Variants in CUX2 observed in about 807,000 individuals in gnomAD.
CUX2 encodes the protein cut like homeobox 2, also known as homeobox protein cut-like 2.
In CUX2, 40 loss-of-function variants were observed where a neutral mutation model predicts 144.8. The ratio of observed to expected loss-of-function variants is 0.28; its 90% CI spans 0.21 to 0.36. The LOEUF (loss-of-function observed/expected upper bound fraction) is 0.36. Ranked by LOEUF, CUX2 falls within the 10% of genes least tolerant of loss-of-function variation. The probability of loss-of-function intolerance (pLI) is 1.00; values close to 1 mark genes in which losing one functional copy is unlikely to be tolerated. For missense variants in CUX2, 1,615 were observed against 1,994.0 expected (o/e 0.81, Z 3.62); for synonymous variants, 827 against 875.6 (o/e 0.94, Z 0.98).
At chr12:111,211,452 G>A (rs1881221066) in intron 1 of CUX2, among the ~76,000 whole-genome samples, 1 of 152,226 alleles carries the variant, frequency 6.6e-6, no homozygotes, top group African/African-American at 2.4e-5. Context: ...GGACACATCA[G>A]GTGGTTGGAC....
intron 4 of CUX2, among the ~76,000 whole-genome samples, chr12:111,273,430 A>G (rs1033707481): frequency 3.3e-5 from 5 of 152,190 alleles, no homozygotes; most frequent in African/African-American, 1.2e-4. Context: ...ACGGAGCCTG[A>G]ATCTAGACCC....
intron 1 of CUX2, among the ~76,000 whole-genome samples, chr12:111,085,148 A>G (rs1346317966): frequency 1.3e-5 from 2 of 152,168 alleles, no homozygotes; most frequent in East Asian, 3.8e-4. Flanking sequence ...GGAAAGTAGG[A>G]TAGAGGATGG....
intron 1 of CUX2, among the ~76,000 whole-genome samples, chr12:111,162,587 G>A (rs1003914574): frequency 1.3e-5 from 2 of 152,238 alleles, no homozygotes; most frequent in Non-Finnish European, 2.9e-5. Flanking sequence ...GTGCTGAACA[G>A]CTCACAAGCA....
intron 4 of CUX2, among the ~76,000 whole-genome samples, chr12:111,285,963 T>C (rs920504093): frequency 1.3e-4 from 20 of 152,216 alleles, no homozygotes; most frequent in African/African-American, 4.6e-4. Context: ...CAGACCCCAC[T>C]GTGTCCTGGG....
At position 111,342,476 on chromosome 12, in the gene CUX2, CA is replaced by C. The variant is rs113534058; in HGVS notation, c.3659+437del. 1.8e-3 allele frequency among the ~76,000 whole-genome samples: 242 copies of C among 134,156 alleles called. 1 individual carries two copies. The highest frequency in any genetic ancestry group is 2.5e-3 in the African/African-American group (92 of 36,544). 88.0% of individuals were successfully genotyped at this position (134,156 alleles called of 152,430 possible). ...AGCCGGGGCGACAGAGACTCCATCT[CA>C]AAAAAAAAAAAAATTTAAAACACAG... is the stretch of plus-strand genomic sequence containing the variant. On this transcript the variant is annotated intron_variant, in intron 21 of 21. Transcript: ENST00000261726.
intron 1 of CUX2, among the ~76,000 whole-genome samples, chr12:111,074,724 A>G (rs940620010): frequency 2.0e-5 from 3 of 152,056 alleles, no homozygotes; most frequent in Middle Eastern, 3.2e-3. Flanking sequence ...AGTTCTTGGA[A>G]GGCCTGTCAT....
intron 1 of CUX2, among the ~76,000 whole-genome samples, chr12:111,197,455 G>A (rs1272491103): frequency 6.6e-6 from 1 of 152,206 alleles, no homozygotes; most frequent in Non-Finnish European, 1.5e-5. Flanking sequence ...CCAGTGCCTG[G>A]AACAGTGCCT....
At chr12:111,191,947 A>T (rs1022572189) in intron 1 of CUX2, among the ~76,000 whole-genome samples, 1 of 152,110 alleles carries the variant, frequency 6.6e-6, no homozygotes, top group Non-Finnish European at 1.5e-5. Context: ...CATGATGCTT[A>T]TAAGGGAGGA....
At position 111,295,204 on chromosome 12, in the gene CUX2, TTGCAGAAAGACAGAGG is replaced by T; in HGVS notation, c.561-123_561-108del. The T allele has an allele frequency of 1.4e-6, 1 of 693,776 alleles. No homozygotes were observed. Among genetic ancestry groups the T allele is most frequent in the Non-Finnish European group, 2.4e-6 (1 of 413,538 alleles). 43.0% of individuals were successfully genotyped at this position (693,776 alleles called of 1,614,324 possible). On this transcript the variant is annotated intron_variant, in intron 6 of 21. Transcript: ENST00000261726. The surrounding 1 kb of genome is among the most constrained non-coding windows in gnomAD (Gnocchi z 5.0). ...GTGCCTGAATGTCGTGTCTAAGGACTTGCAGAAAGACAGAGGTGCAGGTTACAGGGAGTGGGCAAGG... is the reference window on the plus strand; with the variant it reads ...GTGCCTGAATGTCGTGTCTAAGGACTTGCAGGTTACAGGGAGTGGGCAAGG...
rs150023913 is a variant in CUX2 at position 111,065,518 on chromosome 12, T to G, written c.63+31278T>G. ...GCCTGGCTAGTTTTTGTATTTTTAG[T>G]AGAGACGGGGTTTGACCACATTGGT... is the stretch of plus-strand genomic sequence containing the variant. On this transcript the variant is annotated intron_variant, in intron 1 of 21. Coordinates refer to ENST00000261726, the MANE Select transcript of CUX2 (RefSeq NM_015267.4). 6.9e-3 allele frequency among the ~76,000 whole-genome samples: 1,053 copies of G among 152,276 alleles called. 8 individuals carry two copies. The highest frequency in any genetic ancestry group is 0.024 in the African/African-American group (996 of 41,550).
chr12:111,260,357 G>C (rs7953078), intron 3 of CUX2, among the ~76,000 whole-genome samples: 1 of 150,364 alleles, frequency 6.7e-6, no homozygotes, highest in Non-Finnish European at 1.5e-5. Context: ...CCAGCTACTC[G>C]GGAGGCTGAG....
intron 18 of CUX2, among the ~76,000 whole-genome samples, chr12:111,323,239 G>A (rs1887622453): frequency 1.3e-5 from 2 of 152,358 alleles, no homozygotes; most frequent in East Asian, 1.9e-4. Flanking sequence ...CACTGAGAAG[G>A]GCAGAGACCA....
intron 1 of CUX2, among the ~76,000 whole-genome samples, chr12:111,046,952 C>T (rs1349557454): frequency 1.3e-5 from 2 of 152,234 alleles, no homozygotes; most frequent in African/African-American, 2.4e-5. Flanking sequence ...CCACCACGCC[C>T]GGCCCCTTGC....
At chr12:111,085,128 G>A (rs1328551652) in intron 1 of CUX2, among the ~76,000 whole-genome samples, 1 of 152,220 alleles carries the variant, frequency 6.6e-6, no homozygotes, top group Non-Finnish European at 1.5e-5. Context: ...GATAAAAATG[G>A]TGAAGGAAAG....
intron 1 of CUX2, among the ~76,000 whole-genome samples, chr12:111,198,878 C>G (rs1033266609): frequency 6.6e-6 from 1 of 152,158 alleles, no homozygotes; most frequent in South Asian, 2.1e-4. Context: ...GAGGGGCCCC[C>G]CTAAGGTATA....
chr12:111,238,839 G>A (rs761588926), intron 3 of CUX2, among the ~76,000 whole-genome samples: 36 of 152,224 alleles, frequency 2.4e-4, no homozygotes, highest in South Asian at 1.2e-3. Flanking sequence ...TAGGTCAGGC[G>A]TTTGCAACCA....
intron 1 of CUX2, among the ~76,000 whole-genome samples, chr12:111,069,561 T>TGTGTGTGTGTGCGCGCGCGC (rs1566199297): frequency 1.4e-5 from 2 of 146,770 alleles, no homozygotes; most frequent in South Asian, 4.3e-4. Flanking sequence ...TGCGCGCGCG[T>TGTGTGTGTGTGCGCGCGCGC]GTGTGTGTGT....
rs1213681296 is a variant in CUX2 at position 111,037,221 on chromosome 12, G to C, written c.63+2981G>C. Among the ~76,000 whole-genome samples, 1 of 152,134 alleles carries C rather than the reference G, an allele frequency of 6.6e-6. No individual in the cohort carries two copies. The highest frequency in any genetic ancestry group is 1.5e-5 in the Non-Finnish European group (1 of 68,022). On this transcript the variant is annotated intron_variant, in intron 1 of 21. Transcript: ENST00000261726. This position sits in a 1 kb window ranked among gnomAD's most constrained non-coding sequence, Gnocchi z 5.4. ...GAGGAGGTGCGTGGCTTTCATTCCTGGCTGTTCAGGTTGAATGGTTTCTCG... is the reference window on the plus strand; with the variant it reads ...GAGGAGGTGCGTGGCTTTCATTCCTCGCTGTTCAGGTTGAATGGTTTCTCG...
Position 111,156,985 on chromosome 12 carries a change from C to CAAA in CUX2, c.64-57193_64-57191dup, listed in dbSNP as rs1200398908. ...TGGGCAATAAGAGCAAAACTTCTCT[C>CAAA]AAAAAAAAAAAAAAAAAAAAAAAAC... On this transcript the variant is annotated intron_variant, in intron 1 of 21. Transcript: ENST00000261726. 3.2e-3 allele frequency among the ~76,000 whole-genome samples: 61 copies of CAAA among 18,934 alleles called. 7 individuals carry two copies. The highest frequency in any genetic ancestry group is 0.014 in the African/African-American group (48 of 3,540). 12.4% of individuals were successfully genotyped at this position (18,934 alleles called of 152,430 possible). A position where few individuals can be genotyped will look rare whatever the true frequency, so the allele number is the denominator to read the frequency against.
Sources: allele counts gnomAD v4.1 joint callset (sites outside exome capture counted in the v4.1 genomes callset), GRCh38; gene constraint gnomAD v4.1.1; non-coding constraint Gnocchi (gnomAD v3.1); transcripts MANE v1.5; gene names NCBI Gene and HGNC (gene_info 2026-07-23, HGNC 2026-07-21).